The following ROBO1 variants were observed in gnomAD, a reference collection of about 807,000 sequenced individuals.
The protein encoded by ROBO1 is roundabout guidance receptor 1.
In ROBO1, 149 loss-of-function variants were observed where a neutral mutation model predicts 195.9. The ratio of observed to expected loss-of-function variants is 0.76; its 90% confidence interval spans 0.67 to 0.87. ROBO1 has a LOEUF of 0.87. Among genes scored for constraint, ROBO1 ranks in the 40% least tolerant of loss-of-function variants. The pLI is 0.00. For synonymous variants in ROBO1, 816 were observed against 733.2 expected (o/e 1.11, Z -1.82); for missense variants, 1,933 against 2,068.3 (o/e 0.93, Z 1.27).
intron 3 of ROBO1, among the ~76,000 whole-genome samples, chr3:79,085,998 G>A (rs978865253): frequency 1.3e-5 from 2 of 152,084 alleles, no homozygotes; most frequent in Non-Finnish European, 2.9e-5. Context: ...ATTACAAACA[G>A]CTGATAAGAG....
At chr3:79,519,244 G>T (rs1941089276) in intron 2 of ROBO1, among the ~76,000 whole-genome samples, 2 of 152,094 alleles carry the variant, frequency 1.3e-5, no homozygotes, top group African/African-American at 2.4e-5. Flanking sequence ...TTTCAGCTCA[G>T]AACCCATATT....
chr3:79,200,696 ACTCTAATGTAG>A (rs2081746569), intron 2 of ROBO1, among the ~76,000 whole-genome samples: 1 of 151,870 alleles, frequency 6.6e-6, no homozygotes, highest in Admixed American at 6.6e-5. Context: ...AATGGCACGT[ACTCTAATGTAG>A]CATGAAAAGT....
intron 1 of ROBO1, among the ~76,000 whole-genome samples, chr3:79,762,909 AT>A (rs370003659): frequency 4.2e-4 from 64 of 150,944 alleles, no homozygotes; most frequent in African/African-American, 6.3e-4. Flanking sequence ...AAAAATCATA[AT>A]TTTTTTTTTC....
At chr3:79,342,018 T>C (rs1269444588) in intron 2 of ROBO1, among the ~76,000 whole-genome samples, 1 of 152,112 alleles carries the variant, frequency 6.6e-6, no homozygotes, top group Non-Finnish European at 1.5e-5. Context: ...GAGAGGGGCT[T>C]TCCAATTGAA....
intron 19 of ROBO1, among the ~76,000 whole-genome samples, chr3:78,650,943 G>A (rs1383158837): frequency 1.3e-5 from 2 of 152,086 alleles, no homozygotes; most frequent in African/African-American, 4.8e-5. Context: ...GGTATCTAAG[G>A]GGCATGGAGG....
intron 2 of ROBO1, among the ~76,000 whole-genome samples, chr3:79,555,949 A>T (rs1384309088): frequency 6.6e-6 from 1 of 152,052 alleles, no homozygotes; most frequent in Non-Finnish European, 1.5e-5. Context: ...TGCTTATGTG[A>T]TTTGCCATGT....
At chr3:78,849,695 CAGG>C (rs1244821375) in intron 4 of ROBO1, among the ~76,000 whole-genome samples, 1 of 151,870 alleles carries the variant, frequency 6.6e-6, no homozygotes, top group Admixed American at 6.6e-5. Context: ...AGAGATTTGA[CAGG>C]AGGTTCAAAG....
intron 3 of ROBO1, among the ~76,000 whole-genome samples, chr3:78,945,903 G>A (rs1046515650): frequency 2.6e-5 from 4 of 151,948 alleles, no homozygotes; most frequent in African/African-American, 7.3e-5. Flanking sequence ...GCAATCAACT[G>A]GAAGAAAGGG....
At chr3:78,659,635 G>T (rs1375823727) in intron 17 of ROBO1, 51 bp downstream of exon 17, 2 of 1,279,334 alleles carry the variant, frequency 1.6e-6, no homozygotes, top group Non-Finnish European at 2.0e-6. Context: ...CTTTATGAAT[G>T]GTGGGGGCTG....
intron 1 of ROBO1, among the ~76,000 whole-genome samples, chr3:79,762,244 A>C (rs1286418958): frequency 6.6e-6 from 1 of 152,014 alleles, no homozygotes; most frequent in Non-Finnish European, 1.5e-5. Context: ...TCTTATGTTT[A>C]GTCGGGGGGG....
At chr3:79,588,270 T>C (rs545953345) in intron 2 of ROBO1, among the ~76,000 whole-genome samples, 1 of 151,852 alleles carries the variant, frequency 6.6e-6, no homozygotes, top group East Asian at 1.9e-4. Flanking sequence ...CAATATCCTT[T>C]TGAATAAAAA....
chr3:79,359,992 T>C (rs569122748), intron 2 of ROBO1, among the ~76,000 whole-genome samples: 28 of 151,988 alleles, frequency 1.8e-4, no homozygotes, highest in Non-Finnish European at 3.8e-4. Flanking sequence ...AGAAAGATAA[T>C]TGCAGGCAGA....
At chr3:78,714,930 G>A (rs115713560) in intron 7 of ROBO1, 2,783 of 154,662 alleles carry the variant, frequency 0.018, 81 homozygotes, top group African/African-American at 0.063. Flanking sequence ...TTTTTTGGAT[G>A]AGGACACTGA....
At chr3:79,427,218 A>C (rs1044073982) in intron 2 of ROBO1, among the ~76,000 whole-genome samples, 4 of 152,224 alleles carry the variant, frequency 2.6e-5, no homozygotes, top group African/African-American at 7.2e-5. Context: ...CAGAAGACCA[A>C]CTTGTACATA....
chr3:79,698,572 A>G (rs1158182365), intron 1 of ROBO1, among the ~76,000 whole-genome samples: 1 of 151,496 alleles, frequency 6.6e-6, no homozygotes, highest in Non-Finnish European at 1.5e-5. Context: ...AAGAAATCCT[A>G]AAGGTTCAAT....
intron 2 of ROBO1, among the ~76,000 whole-genome samples, chr3:79,344,781 C>T (rs1172830592): frequency 6.6e-6 from 1 of 152,028 alleles, no homozygotes; most frequent in Non-Finnish European, 1.5e-5. Flanking sequence ...AATCTCATCC[C>T]CAGTTGTAAT....
At chr3:79,657,069 T>C (rs1038703124) in intron 1 of ROBO1, among the ~76,000 whole-genome samples, 3 of 152,098 alleles carry the variant, frequency 2.0e-5, no homozygotes, top group Non-Finnish European at 4.4e-5. Context: ...ATGTAACCTT[T>C]GAAAATATGG....
chr3:79,445,651 C>T (rs373669612), intron 2 of ROBO1, among the ~76,000 whole-genome samples: 219 of 149,922 alleles, frequency 1.5e-3, no homozygotes, highest in Middle Eastern at 3.4e-3. Flanking sequence ...TGCACACCAT[C>T]AGGCCTGGCA....
chr3:79,047,803 C>A (rs770847916), intron 3 of ROBO1, among the ~76,000 whole-genome samples: 1 of 151,946 alleles, frequency 6.6e-6, no homozygotes, highest in Non-Finnish European at 1.5e-5. Context: ...CAAATGAGGA[C>A]GTCCTAGAAG....
Sources: gnomAD v4.1 joint callset for allele counts (sites outside exome capture counted in the v4.1 genomes callset) on GRCh38, gnomAD v4.1.1 for gene constraint, MANE v1.5 for transcripts, NCBI Gene and HGNC (gene_info 2026-07-23, HGNC 2026-07-21) for gene names.